The following BRSK2 variants were observed in gnomAD, a reference collection of about 807,000 sequenced individuals.
The protein encoded by BRSK2 is serine/threonine-protein kinase BRSK2.
A neutral mutation model predicts 83.3 loss-of-function variants in BRSK2; 19 were observed. The ratio of observed to expected loss-of-function variants is 0.23; its 90% CI spans 0.16 to 0.33. The LOEUF is 0.33. Among genes scored for constraint, BRSK2 ranks in the 10% least tolerant of loss-of-function variants. The probability of loss-of-function intolerance (pLI) is 1.00; values close to 1 mark genes in which losing one functional copy is unlikely to be tolerated. For synonymous variants in BRSK2, 519 were observed against 435.4 expected, an observed-to-expected ratio of 1.19 and a Z score of -2.39; for missense variants, 798 against 1,042.3, an observed-to-expected ratio of 0.77 and a Z score of 3.23.
At chr11:1,443,203 G>A in intron 6 of BRSK2, 64 bp downstream of exon 6, 1 of 1,525,002 alleles carries the variant, frequency 6.6e-7, no homozygotes, top group South Asian at 1.2e-5. Context: ...GACCCTGGTG[G>A]GACCCCAGCC....
At chr11:1,391,162 C>T (rs61867608) in intron 1 of BRSK2, among the ~76,000 whole-genome samples, 5,825 of 152,332 alleles carry the variant, frequency 0.038, 151 homozygotes, top group South Asian at 0.069. Flanking sequence ...GTGGCCAACT[C>T]TCCCCGGCCC....
At chr11:1,426,762 G>A (rs1344923476) in intron 1 of BRSK2, among the ~76,000 whole-genome samples, 1 of 152,162 alleles carries the variant, frequency 6.6e-6, no homozygotes, top group Non-Finnish European at 1.5e-5. Flanking sequence ...GAGCAGAGAG[G>A]ACCTGGGGGT....
chr11:1,421,417 C>A (rs965172805), intron 1 of BRSK2, among the ~76,000 whole-genome samples: 2 of 152,136 alleles, frequency 1.3e-5, no homozygotes, highest in Non-Finnish European at 2.9e-5. Flanking sequence ...CAATCTGGTC[C>A]CCAGTGGGAG....
rs554930487 is a variant in BRSK2 at position 1,438,164 on chromosome 11, G to A, written c.187-142G>A. ...AAAGGCCCCTGCGTCCCCCACAGCT[G>A]GCACCAAAGGCCCCTGCGACCCCCA... On this transcript the variant is annotated intron_variant, in intron 2 of 19. Transcript: ENST00000528841. The surrounding 1 kb of genome is among the most constrained non-coding windows in gnomAD (Gnocchi z 6.4). 1.1e-4 allele frequency: 65 copies of A among 570,406 alleles called. No homozygotes were observed. In the East Asian group the frequency reaches 2.0e-3, roughly 18 times the overall value. The allele number at this position is 570,406 out of a possible 1,614,324, so 35.3% of individuals were successfully genotyped here.
Position 1,440,967 on chromosome 11 carries a change from C to T in BRSK2, c.413+39C>T, listed in dbSNP as rs773155974. ...CCTGGTGCCCCCCACTCCCCAGGGA[C>T]CCCCACACCCAGTGCGCTACCACAG... On this transcript the variant is annotated intron_variant, in intron 4 of 19. Coordinates refer to ENST00000528841, the MANE Select transcript of BRSK2 (RefSeq NM_001256627.2). 1.0e-5 allele frequency: 16 copies of T among 1,572,956 alleles called. No homozygotes were observed. In the South Asian group the frequency reaches 1.5e-4, roughly 14 times the overall value.
At chr11:1,394,918 G>A (rs1278597581) in intron 1 of BRSK2, among the ~76,000 whole-genome samples, 1 of 141,298 alleles carries the variant, frequency 7.1e-6, no homozygotes, top group East Asian at 2.1e-4. Flanking sequence ...CATGGAGATG[G>A]GTCCTGGAGA....
chr11:1,429,535 A>G (rs1320296911), intron 1 of BRSK2, among the ~76,000 whole-genome samples: 1 of 120,098 alleles, frequency 8.3e-6, no homozygotes, highest in African/African-American at 3.3e-5. Flanking sequence ...TGTGCCCAGC[A>G]GTGAGCGTCT....
chr11:1,394,145 A>G (rs867956433), intron 1 of BRSK2, among the ~76,000 whole-genome samples: 16 of 78,618 alleles, frequency 2.0e-4, no homozygotes, highest in African/African-American at 7.8e-4. Context: ...GAGATGGGCC[A>G]TGGAGATGGG....
Position 1,460,697 on chromosome 11 carries a change from C to T in BRSK2, c.2185C>T (p.Pro729Ser). 2 of 1,484,608 alleles carry T rather than the reference C, an allele frequency of 1.3e-6. No individual in the cohort carries two copies. The highest frequency in any genetic ancestry group is 1.8e-6 in the Non-Finnish European group (2 of 1,112,904). 92.0% of individuals were successfully genotyped at this position (1,484,608 alleles called of 1,614,324 possible). A position where few individuals can be genotyped will look rare whatever the true frequency, so the allele number is the denominator to read the frequency against. ...CAAGGACACGGCCAAGATGGGCCCG[C>T]CCACCGCCCGCCGCGAGCAGCCTTA... The part of the protein sequence containing the change: ...TGKDTAKMGP[P>S]TARREQP The change falls in exon 20 of 20, where the codon CCC becomes TCC. Residue 729 changes from proline (P) to serine (S), a missense_variant. Pro to Ser is a moderately conservative substitution (Grantham distance 74). Transcript: ENST00000528841.
intron 19 of BRSK2, 98 bp from the exon 20 acceptor site, chr11:1,460,402 T>G: frequency 4.5e-5 from 42 of 933,860 alleles, no homozygotes; most frequent in Non-Finnish European, 5.8e-5. Context: ...TGTTTGTTTG[T>G]TCTCTTTCTC....
At chr11:1,440,469 C>T (rs1028375685) in intron 3 of BRSK2, among the ~76,000 whole-genome samples, 4 of 152,268 alleles carry the variant, frequency 2.6e-5, no homozygotes, top group South Asian at 2.1e-4. Context: ...CCCCAGCACC[C>T]GCCACACTCA....
intron 18 of BRSK2, among the ~76,000 whole-genome samples, chr11:1,457,450 A>AG (rs36019450): frequency 0.4 from 60,736 of 151,938 alleles, 12,739 homozygotes; most frequent in African/African-American, 0.5. Context: ...AGGGTCTAGG[A>AG]CCCGAGGGTC....
intron 1 of BRSK2, among the ~76,000 whole-genome samples, chr11:1,412,415 C>T (rs1165051902): frequency 2.1e-5 from 1 of 47,478 alleles, no homozygotes; most frequent in Admixed American, 1.9e-4. Flanking sequence ...GTCTGAGCTG[C>T]GCTGCCCCGT....
At chr11:1,425,230 CCTCTCAGGTGG>C (rs1849079654) in intron 1 of BRSK2, among the ~76,000 whole-genome samples, 1 of 152,214 alleles carries the variant, frequency 6.6e-6, no homozygotes, top group Non-Finnish European at 1.5e-5. Context: ...CGGCTTAAGG[CCTCTCAGGTGG>C]CTCTGGTGAA....
At chr11:1,447,388 G>A (rs770430868) in intron 12 of BRSK2, among the ~76,000 whole-genome samples, 2 of 152,168 alleles carry the variant, frequency 1.3e-5, no homozygotes, top group Non-Finnish European at 2.9e-5. Context: ...GGCCTCTGCT[G>A]CAACTCCCAG....
At chr11:1,459,408 G>C (rs11029039) in intron 19 of BRSK2, 169 bp downstream of exon 19, 464,594 of 717,522 alleles carry the variant, frequency 0.65, 152,979 homozygotes, top group Admixed American at 0.7. Context: ...GAGCAGCCCA[G>C]GTCGCTCCCC....
In BRSK2 at chr11:1,459,227, C is replaced by T; in HGVS notation, c.1975C>T (p.Leu659Phe). Reference sequence around the variant, plus strand: ...CTGTATGGAAATGATGACGGGGCGGCTTTCCAAATGTGGTAAGAATCCCCC... The same window carrying T: ...CTGTATGGAAATGATGACGGGGCGGTTTTCCAAATGTGGTAAGAATCCCCC... Reference protein sequence around the residue: ...TNCMEMMTGRLSKCGSPLSNF... With the variant: ...TNCMEMMTGRFSKCGSPLSNF... Residue 659 changes from leucine (L) to phenylalanine (F), a missense_variant, in exon 19 of 20, where the codon CTT (leucine) becomes TTT (phenylalanine). Transcript: ENST00000528841. 1 of 1,613,816 alleles carries T rather than the reference C, an allele frequency of 6.2e-7. No individual in the cohort carries two copies. The highest frequency in any genetic ancestry group is 8.5e-7 in the Non-Finnish European group (1 of 1,179,874).
In BRSK2 at chr11:1,461,176, C is replaced by G; in HGVS notation, c.*453C>G. 2.3e-6 allele frequency: 2 copies of G among 879,104 alleles called. No individual in the cohort carries two copies. Among genetic ancestry groups the G allele is most frequent in the Non-Finnish European group, 3.3e-6 (2 of 600,166 alleles). The allele number at this position is 879,104 out of a possible 1,614,324, so 54.5% of individuals were successfully genotyped here. A position where few individuals can be genotyped will look rare whatever the true frequency, so the allele number is the denominator to read the frequency against. On this transcript the variant is annotated 3_prime_UTR_variant, in exon 20 of 20. Coordinates refer to ENST00000528841, the MANE Select transcript of BRSK2 (RefSeq NM_001256627.2). ...AGGCCAGGCTCGGGGGAGCCTCCTC[C>G]AGCCCGGCCGACCCGGACTCCCGGT...
intron 1 of BRSK2, among the ~76,000 whole-genome samples, chr11:1,393,033 G>C (rs930115972): frequency 6.6e-6 from 1 of 152,142 alleles, no homozygotes; most frequent in Non-Finnish European, 1.5e-5. Context: ...CTGGGGTTGG[G>C]GTGGGAACCC....
Sources: allele counts gnomAD v4.1 joint callset (sites outside exome capture counted in the v4.1 genomes callset), GRCh38; gene constraint gnomAD v4.1.1; non-coding constraint Gnocchi (gnomAD v3.1); transcripts MANE v1.5; gene names NCBI Gene and HGNC (gene_info 2026-07-23, HGNC 2026-07-21).